The following ZFAND1 variants were observed in gnomAD, a reference collection of about 807,000 sequenced individuals.
ZFAND1 encodes the protein AN1-type zinc finger protein 1.
A neutral mutation model predicts 38.5 loss-of-function variants in ZFAND1; 40 were observed. That is an observed-to-expected ratio of 1.04 (90% CI 0.81 to 1.35). ZFAND1 has a LOEUF of 1.35. ZFAND1 is among the 40% of genes most tolerant of loss of function. ZFAND1 has a pLI of 0.00. For missense variants in ZFAND1, 346 were observed against 316.3 expected (o/e 1.09, Z -0.71); for synonymous variants, 117 against 103.6 (o/e 1.13, Z -0.78).
intron 2 of ZFAND1, among the ~76,000 whole-genome samples, chr8:81,717,700 T>C (rs1808359213): frequency 6.6e-6 from 1 of 152,140 alleles, no homozygotes; most frequent in African/African-American, 2.4e-5. Flanking sequence ...ATTCATTCTT[T>C]CAGTGCTCTA....
rs1020611771 is a variant in ZFAND1 at position 81,702,593 on chromosome 8, G to T, written c.*102C>A. On this transcript the variant is annotated 3_prime_UTR_variant, in exon 8 of 8. Transcript: ENST00000220669. ...GACATAAGGGGAAATAAGTTAAAAA[G>T]CAACTTTTAAAAATTACAAAAATAG... 14 of 1,021,036 alleles carry T rather than the reference G, an allele frequency of 1.4e-5. No individual in the cohort carries two copies. Among genetic ancestry groups the T allele is most frequent in the African/African-American group, 1.2e-4 (7 of 59,416 alleles). 63.2% of individuals were successfully genotyped at this position (1,021,036 alleles called of 1,614,324 possible).
chr8:81,708,084 A>G (rs1297555356), intron 6 of ZFAND1, among the ~76,000 whole-genome samples: 1 of 152,092 alleles, frequency 6.6e-6, no homozygotes. Flanking sequence ...CCCTGTCTTT[A>G]CTAAAAATAC....
chr8:81,716,168 T>C (rs1808304851), intron 3 of ZFAND1, among the ~76,000 whole-genome samples: 1 of 152,208 alleles, frequency 6.6e-6, no homozygotes, highest in Non-Finnish European at 1.5e-5. Flanking sequence ...TGTGAAAATA[T>C]TTGGTAAAGC....
intron 1 of ZFAND1, among the ~76,000 whole-genome samples, chr8:81,718,893 A>C (rs1808389311): frequency 6.6e-6 from 1 of 151,820 alleles, no homozygotes; most frequent in South Asian, 2.1e-4. Flanking sequence ...AACATATACA[A>C]AACCAAAGCT....
chr8:81,716,808 G>A (rs552997309), intron 3 of ZFAND1, among the ~76,000 whole-genome samples: 41 of 152,192 alleles, frequency 2.7e-4, no homozygotes, highest in African/African-American at 7.5e-4. Flanking sequence ...TTAGTCGGGC[G>A]TGGTGGCACG....
At chr8:81,709,668 A>G (rs1447896637) in intron 6 of ZFAND1, among the ~76,000 whole-genome samples, 1 of 152,142 alleles carries the variant, frequency 6.6e-6, no homozygotes, top group Non-Finnish European at 1.5e-5. Context: ...ACCCACATAT[A>G]TCTCTAGTAT....
At position 81,721,278 on chromosome 8, in the gene ZFAND1, C is replaced by T. The variant is rs1002965405; in HGVS notation, c.4G>A (p.Ala2Thr). Residue 2 changes from alanine (A) to threonine (T), a missense_variant, in exon 1 of 8, where the codon GCG (alanine) becomes ACG (threonine). Ala to Thr is a moderately conservative substitution (Grantham distance 58). Transcript: ENST00000220669. M[A>T]ELDIGQHCQV... is the part of the protein sequence containing the mutation. ...CAGTGCTGCCCGATGTCCAACTCCG[C>T]CATCTCTCCGGCGCCGTAAGGGGCG... 6.5e-7 allele frequency: 1 copy of T among 1,548,854 alleles called. No individual in the cohort carries two copies. Among genetic ancestry groups the T allele is most frequent in the African/African-American group, 1.4e-5 (1 of 73,196 alleles).
chr8:81,716,323 G>A (rs1808310118), intron 3 of ZFAND1, among the ~76,000 whole-genome samples: 3 of 152,196 alleles, frequency 2.0e-5, no homozygotes, highest in African/African-American at 7.2e-5. Context: ...TGCTGTGACT[G>A]CTGGGCAAGT....
intron 6 of ZFAND1, among the ~76,000 whole-genome samples, chr8:81,710,911 T>C (rs1808122431): frequency 6.6e-6 from 1 of 152,042 alleles, no homozygotes; most frequent in African/African-American, 2.4e-5. Flanking sequence ...GGACAAAAAA[T>C]TAAGTACACA....
chr8:81,708,455 T>C (rs552995660), intron 6 of ZFAND1, among the ~76,000 whole-genome samples: 1 of 152,044 alleles, frequency 6.6e-6, no homozygotes, highest in South Asian at 2.1e-4. Context: ...AGATAAAGGA[T>C]TAACATCTTT....
In ZFAND1 at chr8:81,702,854, C is replaced by T. The variant is rs749576979; in HGVS notation, c.648G>A (p.Leu216=). 4 of 1,590,394 alleles carry T rather than the reference C, an allele frequency of 2.5e-6. No individual in the cohort carries two copies. Among genetic ancestry groups the T allele is most frequent in the South Asian group, 1.2e-5 (1 of 85,566 alleles). The change falls in exon 8 of 8, where the codon CTG becomes CTA. Residue 216 remains leucine (L), a synonymous_variant. Coordinates refer to ENST00000220669, the MANE Select transcript of ZFAND1 (RefSeq NM_024699.3). The part of the protein sequence containing the change: ...NNKFTAKKLR[L]CHITSGEALP... ...AGGCTTCTCCTGAAGTAATGTGACACAGCCTTAATTTCTGTGAAGGGAGAA... is the reference window on the plus strand; with the variant it reads ...AGGCTTCTCCTGAAGTAATGTGACATAGCCTTAATTTCTGTGAAGGGAGAA...
In ZFAND1 at chr8:81,715,079, T is replaced by C. The variant is rs771440834; in HGVS notation, c.174A>G (p.Gln58=). Residue 58 remains glutamine, a synonymous_variant, in exon 4 of 8, where the codon CAA becomes CAG. Coordinates refer to ENST00000220669, the MANE Select transcript of ZFAND1 (RefSeq NM_024699.3). ...TVINERLKTD[Q]HTSYPCSFKD... ...TGAAAGAGCATGGGTAAGATGTATGTTGATCTGTCTTCAGTCTCTCATTGA... is the reference window on the plus strand; with the variant it reads ...TGAAAGAGCATGGGTAAGATGTATGCTGATCTGTCTTCAGTCTCTCATTGA... 2 of 1,614,074 alleles carry C rather than the reference T, an allele frequency of 1.2e-6. No homozygotes were observed. The highest frequency in any genetic ancestry group is 1.7e-6 in the Non-Finnish European group (2 of 1,179,966).
chr8:81,715,180 C>T (rs1239209078), intron 3 of ZFAND1, 66 bp from the exon 4 acceptor site: 3 of 1,547,798 alleles, frequency 1.9e-6, no homozygotes, highest in Non-Finnish European at 2.6e-6. Flanking sequence ...GTGTCTTATT[C>T]TAGAAGGCAG....
At chr8:81,720,209 CTG>C (rs1364895372) in intron 1 of ZFAND1, among the ~76,000 whole-genome samples, 4 of 152,332 alleles carry the variant, frequency 2.6e-5, no homozygotes, top group African/African-American at 9.6e-5. Context: ...ACTGAGCAGT[CTG>C]TGTGGTTCTA....
chr8:81,721,050 CA>C (rs1189234483), intron 1 of ZFAND1, 176 bp downstream of exon 1: 17 of 590,724 alleles, frequency 2.9e-5, no homozygotes, highest in Non-Finnish European at 4.5e-5. Context: ...AGCTCACGGC[CA>C]AAAAAAACCC....
At position 81,702,239 on chromosome 8, in the gene ZFAND1, T is replaced by C. The variant is rs1807832278; in HGVS notation, c.*456A>G. 6.6e-6 allele frequency: 1 copy of C among 152,518 alleles called. No individual in the cohort carries two copies. The highest frequency in any genetic ancestry group is 1.5e-5 in the Non-Finnish European group (1 of 68,270). The allele number at this position is 152,518 out of a possible 1,614,324, so 9.4% of individuals were successfully genotyped here. A position where few individuals can be genotyped will look rare whatever the true frequency, so the allele number is the denominator to read the frequency against. On this transcript the variant is annotated 3_prime_UTR_variant, in exon 8 of 8. Coordinates refer to ENST00000220669, the MANE Select transcript of ZFAND1 (RefSeq NM_024699.3). ...CTCCATGATGCTAGGCTTGGCCACATGACTTGCTTAAAGCACGTATGATAC... is the reference window on the plus strand; with the variant it reads ...CTCCATGATGCTAGGCTTGGCCACACGACTTGCTTAAAGCACGTATGATAC...
intron 6 of ZFAND1, among the ~76,000 whole-genome samples, chr8:81,708,257 A>G (rs1176133914): frequency 2.0e-5 from 3 of 151,386 alleles, no homozygotes; most frequent in Admixed American, 6.6e-5. Context: ...TCAAAAAAAA[A>G]AAAAAAAAAA....
chr8:81,705,637 T>C (rs893818726), intron 6 of ZFAND1, among the ~76,000 whole-genome samples: 4 of 152,204 alleles, frequency 2.6e-5, no homozygotes, highest in African/African-American at 9.6e-5. Flanking sequence ...GAAACAATTA[T>C]AGGCTGGGCA....
rs1338664407 is a variant in ZFAND1, at chr8:81,715,108, C to T, written c.145G>A (p.Val49Ile). 1 of 1,613,440 alleles carries T rather than the reference C, an allele frequency of 6.2e-7. No individual in the cohort carries two copies. The highest frequency in any genetic ancestry group is 1.7e-5 in the Admixed American group (1 of 59,984). ...RESHGCPEVT[V>I]INERLKTDQH... ...TCTGTCTTCAGTCTCTCATTGATTA[C>T]AGTCACCTGAAAATGCAAAAAGGAG... The change falls in exon 4 of 8, where the codon GTA becomes ATA. Residue 49 changes from valine (V) to isoleucine (I), a missense_variant. By Grantham distance (29) the Val-to-Ile change is conservative (BLOSUM62 3). Coordinates refer to ENST00000220669, the MANE Select transcript of ZFAND1 (RefSeq NM_024699.3).
Sources: allele counts gnomAD v4.1 joint callset (sites outside exome capture counted in the v4.1 genomes callset), GRCh38; gene constraint gnomAD v4.1.1; transcripts MANE v1.5; gene names NCBI Gene and HGNC (gene_info 2026-07-23, HGNC 2026-07-21).